Variants in KLF7 observed in about 807,000 individuals in gnomAD.
KLF7 encodes KLF transcription factor 7, also known as Krueppel-like factor 7.
A neutral mutation model predicts 27.3 loss-of-function variants in KLF7; 2 were observed. That is an observed-to-expected ratio of 0.07 (90% CI 0.03 to 0.23). The LOEUF is 0.23. Among genes scored for constraint, KLF7 ranks in the 10% least tolerant of loss-of-function variants. The pLI, the probability that KLF7 is intolerant of heterozygous loss-of-function variation, is 1.00. For synonymous variants in KLF7, 165 were observed against 162.4 expected (o/e 1.02, Z -0.12); for missense variants, 221 against 394.1 (o/e 0.56, Z 3.72).
At chr2:207,159,490 C>G (rs1326739112) in intron 1 of KLF7, among the ~76,000 whole-genome samples, 1 of 152,172 alleles carries the variant, frequency 6.6e-6, no homozygotes, top group African/African-American at 2.4e-5. Flanking sequence ...TTTGAACATG[C>G]TTTCTCTGCC....
chr2:207,106,855 A>G (rs2076897068), intron 2 of KLF7, among the ~76,000 whole-genome samples: 1 of 152,152 alleles, frequency 6.6e-6, no homozygotes, highest in Non-Finnish European at 1.5e-5. Flanking sequence ...GGTCTGCTCC[A>G]CTGTCCCTTT....
chr2:207,105,465 T>C (rs1281073714), intron 2 of KLF7, among the ~76,000 whole-genome samples: 1 of 152,182 alleles, frequency 6.6e-6, no homozygotes, highest in Non-Finnish European at 1.5e-5. Context: ...AGCTAATAAG[T>C]GGCTGAGATG....
At chr2:207,084,865 TG>T (rs1254837229) in intron 3 of KLF7, among the ~76,000 whole-genome samples, 1 of 152,116 alleles carries the variant, frequency 6.6e-6, no homozygotes, top group Admixed American at 6.5e-5. Context: ...CTCTCGTTTA[TG>T]AAAAAGGCAC....
chr2:207,100,177 T>C (rs1559120340), intron 2 of KLF7, among the ~76,000 whole-genome samples: 1 of 152,152 alleles, frequency 6.6e-6, no homozygotes, highest in Admixed American at 6.5e-5. Context: ...TATATCCAGA[T>C]CATGGAGAGA....
At chr2:207,170,175 A>G (rs979686708), upstream of KLF7, among the ~76,000 whole-genome samples, 2 of 152,230 alleles carry the variant, frequency 1.3e-5, no homozygotes, top group Non-Finnish European at 2.9e-5. Context: ...ATAAGAAAGC[A>G]AAACAGCTTT....
At chr2:207,119,963 G>A (rs2077293528) in intron 2 of KLF7, among the ~76,000 whole-genome samples, 1 of 152,164 alleles carries the variant, frequency 6.6e-6, no homozygotes, top group African/African-American at 2.4e-5. Context: ...CAAAGTGCTA[G>A]GATTAGGGGC....
chr2:207,107,697 G>A (rs970544316), intron 2 of KLF7, among the ~76,000 whole-genome samples: 1 of 152,140 alleles, frequency 6.6e-6, no homozygotes, highest in East Asian at 1.9e-4. Context: ...GTCACAGACC[G>A]CTATCTGCCA....
chr2:207,131,885 G>A (rs1003768097), intron 1 of KLF7, among the ~76,000 whole-genome samples: 14 of 152,140 alleles, frequency 9.2e-5, no homozygotes, highest in African/African-American at 2.9e-4. Context: ...CAGATGCCAA[G>A]CATCTGAACC....
intron 1 of KLF7, among the ~76,000 whole-genome samples, chr2:207,152,766 G>A (rs1275959543): frequency 2.0e-5 from 3 of 152,182 alleles, no homozygotes; most frequent in Non-Finnish European, 4.4e-5. Context: ...TTGAGACTGT[G>A]ATTGATAAAT....
intron 1 of KLF7, among the ~76,000 whole-genome samples, chr2:207,133,849 C>G (rs528015219): frequency 2.0e-5 from 3 of 152,180 alleles, no homozygotes; most frequent in East Asian, 1.9e-4. Flanking sequence ...ATTCCTCCCC[C>G]CAGTGGATCT....
intron 1 of KLF7, among the ~76,000 whole-genome samples, chr2:207,143,368 G>A (rs1450210907): frequency 1.4e-5 from 2 of 146,118 alleles, no homozygotes; most frequent in African/African-American, 5.1e-5. Context: ...AGAAGAAAAT[G>A]AGGAAGAGGA....
rs567321147 is a variant in KLF7 at position 207,164,591 on chromosome 2, T to A, written c.102+876A>T. ...CTTTATTCCACTTCACAAAGCCCAG[T>A]GAACTTGTCACCAGCCCCACTTCAT... On this transcript the variant is annotated intron_variant, in intron 1 of 3. Coordinates refer to ENST00000309446, the MANE Select transcript of KLF7 (RefSeq NM_003709.4). Among the ~76,000 whole-genome samples the A allele has an allele frequency of 7.8e-4, 118 of 152,200 alleles. 1 individual carries two copies. The highest frequency in any genetic ancestry group is 2.8e-3 in the African/African-American group (115 of 41,530).
At position 207,078,072 on chromosome 2, in the gene KLF7, C is replaced by G. The variant is rs2076208011; in HGVS notation, c.*3141G>C. The G allele has an allele frequency of 6.6e-6, 1 of 152,184 alleles. No homozygotes were observed. Among genetic ancestry groups the G allele is most frequent in the Non-Finnish European group, 1.5e-5 (1 of 68,036 alleles). 9.4% of individuals were successfully genotyped at this position (152,184 alleles called of 1,614,324 possible). A position where few individuals can be genotyped will look rare whatever the true frequency, so the allele number is the denominator to read the frequency against. On this transcript the variant is annotated 3_prime_UTR_variant, in exon 4 of 4. Coordinates refer to ENST00000309446, the MANE Select transcript of KLF7 (RefSeq NM_003709.4). ...GGAAAACCTGCTCGCTCTAGCGGCT[C>G]TTAGTAACCATCTCTGCCACTGCAG...
At chr2:207,139,749 C>T (rs781278866) in intron 1 of KLF7, among the ~76,000 whole-genome samples, 12 of 152,132 alleles carry the variant, frequency 7.9e-5, no homozygotes, top group Non-Finnish European at 1.3e-4. Flanking sequence ...ATGCAATTTC[C>T]GAGTTCTCTC....
At chr2:207,166,152 G>A (rs2078701507), upstream of KLF7, 2 of 985,518 alleles carry the variant, frequency 2.0e-6, no homozygotes, top group African/African-American at 1.8e-5. Flanking sequence ...GCGCAGCCGT[G>A]GGATCTCGAG....
At chr2:207,136,408 G>A (rs976128381) in intron 1 of KLF7, among the ~76,000 whole-genome samples, 7 of 151,950 alleles carry the variant, frequency 4.6e-5, no homozygotes, top group Admixed American at 1.3e-4. Context: ...AACTCCGTCC[G>A]CATCCCAGAA....
intron 1 of KLF7, among the ~76,000 whole-genome samples, chr2:207,156,184 A>C (rs1234198342): frequency 3.3e-5 from 5 of 152,202 alleles, no homozygotes; most frequent in Admixed American, 2.0e-4. Flanking sequence ...CAGGACATAC[A>C]ATTTTGCAAA....
rs181371895 is a variant in KLF7, at chr2:207,100,070, C to T, written c.734-11489G>A. ...ACTTGAGCAGGGGAGGCTGAGGCTGCAGTAAGCAGTAAGCTGTGGTTGCAC... is the reference window on the plus strand; with the variant it reads ...ACTTGAGCAGGGGAGGCTGAGGCTGTAGTAAGCAGTAAGCTGTGGTTGCAC... On this transcript the variant is annotated intron_variant, in intron 2 of 3. Coordinates refer to ENST00000309446, the MANE Select transcript of KLF7 (RefSeq NM_003709.4). Among the ~76,000 whole-genome samples, 5 of 152,226 alleles carry T rather than the reference C, an allele frequency of 3.3e-5. No individual in the cohort carries two copies. The East Asian group carries it at 9.7e-4, about 29-fold the overall frequency.
chr2:207,129,691 C>T (rs1306128159), intron 1 of KLF7, among the ~76,000 whole-genome samples: 2 of 152,176 alleles, frequency 1.3e-5, no homozygotes, highest in Non-Finnish European at 2.9e-5. Context: ...CCTATTACTG[C>T]CTACTACATC....
Sources: gnomAD v4.1 joint callset for allele counts (sites outside exome capture counted in the v4.1 genomes callset) on GRCh38, gnomAD v4.1.1 for gene constraint, MANE v1.5 for transcripts, NCBI Gene and HGNC (gene_info 2026-07-23, HGNC 2026-07-21) for gene names.